Variants in CRISPLD2 observed in about 807,000 individuals in gnomAD.
The protein encoded by CRISPLD2 is cysteine rich secretory protein LCCL domain containing 2, also known as cysteine-rich secretory protein LCCL domain-containing 2.
In CRISPLD2, 47 loss-of-function variants were observed where a neutral mutation model predicts 71.1. The observed-to-expected ratio is 0.66, with a 90% CI of 0.52 to 0.84. The LOEUF (loss-of-function observed/expected upper bound fraction) is 0.84, where lower values mean the gene tolerates loss of function less well. CRISPLD2 is among the 40% of genes least tolerant of loss of function. The probability of loss-of-function intolerance (pLI) is 0.00; values close to 1 mark genes in which losing one functional copy is unlikely to be tolerated. For synonymous variants in CRISPLD2, 317 were observed against 250.1 expected, an observed-to-expected ratio of 1.27 and a Z score of -2.52; for missense variants, 830 against 651.1, an observed-to-expected ratio of 1.27 and a Z score of -2.99.
At chr16:84,861,634 CT>C (rs1307548800) in intron 6 of CRISPLD2, among the ~76,000 whole-genome samples, 1 of 152,156 alleles carries the variant, frequency 6.6e-6, no homozygotes, top group Non-Finnish European at 1.5e-5. Flanking sequence ...TTGGCAGCAC[CT>C]TCACAGACAC....
chr16:84,892,105 A>G (rs1432621705), intron 14 of CRISPLD2, among the ~76,000 whole-genome samples: 1 of 152,016 alleles, frequency 6.6e-6, no homozygotes, highest in Non-Finnish European at 1.5e-5. Flanking sequence ...CCTCACCTAT[A>G]AAGGGGGGAA....
chr16:84,889,123 C>G, intron 13 of CRISPLD2, 107 bp from the exon 14 acceptor site: 2 of 1,426,010 alleles, frequency 1.4e-6, no homozygotes, highest in Non-Finnish European at 2.0e-6. Context: ...TGATGGGGTC[C>G]ACATCCCACC....
intron 14 of CRISPLD2, among the ~76,000 whole-genome samples, chr16:84,904,606 TTAAA>T (rs1040983003): frequency 2.1e-5 from 3 of 142,156 alleles, no homozygotes; most frequent in Non-Finnish European, 4.6e-5. Flanking sequence ...AAAAAAAAAT[TTAAA>T]AAAAAAATTA....
chr16:84,895,812 C>T (rs1270255585), intron 14 of CRISPLD2, among the ~76,000 whole-genome samples: 1 of 152,102 alleles, frequency 6.6e-6, no homozygotes, highest in Admixed American at 6.6e-5. Flanking sequence ...GGATGCTCGC[C>T]TCTGGCCCAG....
chr16:84,851,042 A>AG (rs950609508), intron 5 of CRISPLD2, among the ~76,000 whole-genome samples: 1 of 152,184 alleles, frequency 6.6e-6, no homozygotes, highest in Admixed American at 6.5e-5. Context: ...ATCATAGATG[A>AG]GGGGGAAAAA....
intron 6 of CRISPLD2, among the ~76,000 whole-genome samples, chr16:84,866,235 T>TTCG (rs1917531525): frequency 9.0e-5 from 8 of 88,754 alleles, no homozygotes; most frequent in African/African-American, 2.9e-4. Flanking sequence ...AGTTTTGTTT[T>TTCG]TTGGTTTTTT....
chr16:84,834,899 C>A (rs1916578366), intron 1 of CRISPLD2, among the ~76,000 whole-genome samples: 1 of 152,018 alleles, frequency 6.6e-6, no homozygotes, highest in Non-Finnish European at 1.5e-5. Flanking sequence ...CCTCACATTA[C>A]CTTAATCACC....
At chr16:84,824,139 G>C (rs1309520727) in intron 1 of CRISPLD2, among the ~76,000 whole-genome samples, 1 of 152,252 alleles carries the variant, frequency 6.6e-6, no homozygotes, top group African/African-American at 2.4e-5. Context: ...GGGAGCTGGC[G>C]AGGGTGCCCC....
chr16:84,875,267 G>T (rs1486448808), intron 11 of CRISPLD2, among the ~76,000 whole-genome samples: 1 of 151,868 alleles, frequency 6.6e-6, no homozygotes, highest in Non-Finnish European at 1.5e-5. Context: ...ATGTGTGTGT[G>T]TGTGTGTGTG....
At chr16:84,902,503 G>A (rs1407176093) in intron 14 of CRISPLD2, among the ~76,000 whole-genome samples, 2 of 151,632 alleles carry the variant, frequency 1.3e-5, no homozygotes, top group African/African-American at 4.8e-5. Flanking sequence ...CCAGCTACTC[G>A]GGAGGCTGAG....
chr16:84,850,682 A>G lies in CRISPLD2; in HGVS notation c.607A>G (p.Lys203Glu), dbSNP rs753074972. 6.2e-7 allele frequency: 1 copy of G among 1,610,836 alleles called. No homozygotes were observed. Among genetic ancestry groups the G allele is most frequent in the Non-Finnish European group, 8.5e-7 (1 of 1,177,000 alleles). ...CTACTTTGTCTGCAATTATTCTCCAAAGTAAGACAAGTTGATGCCGTTGTA... is the reference window on the plus strand; with the variant it reads ...CTACTTTGTCTGCAATTATTCTCCAGAGTAAGACAAGTTGATGCCGTTGTA... Reference protein sequence around the residue: ...AVYFVCNYSPKGNWIGEAPYK... With the variant: ...AVYFVCNYSPEGNWIGEAPYK... Residue 203 changes from lysine (K) to glutamate (E), a missense_variant and splice_region_variant, in exon 5 of 15, where the codon AAG (lysine) becomes GAG (glutamate). Coordinates refer to ENST00000262424, the MANE Select transcript of CRISPLD2 (RefSeq NM_031476.4).
intron 4 of CRISPLD2, among the ~76,000 whole-genome samples, chr16:84,850,095 CTT>C (rs71384841): frequency 6.4e-4 from 90 of 141,584 alleles, no homozygotes; most frequent in Non-Finnish European, 6.9e-4. Flanking sequence ...TGTTTGCTTG[CTT>C]TTTTTTTTTT....
chr16:84,872,961 T>C (rs2143289486), intron 9 of CRISPLD2, 31 bp from the exon 10 acceptor site: 2 of 1,585,062 alleles, frequency 1.3e-6, no homozygotes, highest in East Asian at 2.3e-5. Flanking sequence ...GTTGAGAATG[T>C]GCCTCTGGTC....
chr16:84,899,717 T>C (rs927192611), intron 14 of CRISPLD2, among the ~76,000 whole-genome samples: 8 of 152,172 alleles, frequency 5.3e-5, no homozygotes, highest in African/African-American at 1.9e-4. Flanking sequence ...GGTGCATGGT[T>C]GTCCAGGCAA....
chr16:84,834,039 C>T (rs1234675295), intron 1 of CRISPLD2, among the ~76,000 whole-genome samples: 1 of 152,192 alleles, frequency 6.6e-6, no homozygotes, highest in Non-Finnish European at 1.5e-5. Context: ...CAAGGGCATA[C>T]CTGGGCCTCG....
At chr16:84,837,841 A>G (rs1276557926) in intron 1 of CRISPLD2, among the ~76,000 whole-genome samples, 3 of 152,202 alleles carry the variant, frequency 2.0e-5, no homozygotes, top group East Asian at 3.9e-4. Flanking sequence ...TTCTGAGGGA[A>G]CAAAAGGCTG....
intron 4 of CRISPLD2, 66 bp from the exon 5 acceptor site, chr16:84,850,502 G>A: frequency 7.3e-7 from 1 of 1,370,326 alleles, no homozygotes; most frequent in Non-Finnish European, 1.0e-6. Context: ...ATACATCCAG[G>A]CCAAATGATA....
At position 84,867,124 on chromosome 16, in the gene CRISPLD2, G is replaced by C. The variant is rs1312116864; in HGVS notation, c.853+84G>C. 2.8e-6 allele frequency: 4 copies of C among 1,442,842 alleles called. No homozygotes were observed. In the Admixed American group the frequency reaches 6.1e-5, roughly 22 times the overall value. 89.4% of individuals were successfully genotyped at this position (1,442,842 alleles called of 1,614,324 possible). A position where few individuals can be genotyped will look rare whatever the true frequency, so the allele number is the denominator to read the frequency against. ...GGTGGGTGGAGGAGGGGAGCTAGTG[G>C]ATTTAGGTCTGCAAATCCACAGGCA... On this transcript the variant is annotated intron_variant, in intron 7 of 14. Coordinates refer to ENST00000262424, the MANE Select transcript of CRISPLD2 (RefSeq NM_031476.4).
At chr16:84,882,687 G>C (rs2071579343) in intron 13 of CRISPLD2, among the ~76,000 whole-genome samples, 1 of 152,194 alleles carries the variant, frequency 6.6e-6, no homozygotes, top group Non-Finnish European at 1.5e-5. Flanking sequence ...TTACCAACAT[G>C]AGCCTCTGCA....
Sources: gnomAD v4.1 joint callset for allele counts (sites outside exome capture counted in the v4.1 genomes callset) on GRCh38, gnomAD v4.1.1 for gene constraint, MANE v1.5 for transcripts, NCBI Gene and HGNC (gene_info 2026-07-23, HGNC 2026-07-21) for gene names.